RAPGEF4: variants seen among roughly 807,000 people sequenced by gnomAD.
RAPGEF4 encodes the protein Rap guanine nucleotide exchange factor 4.
In RAPGEF4, 66 loss-of-function variants were observed where a neutral mutation model predicts 147.9. The ratio of observed to expected loss-of-function variants is 0.45; its 90% confidence interval spans 0.37 to 0.55. The LOEUF (loss-of-function observed/expected upper bound fraction) is 0.55. RAPGEF4 is among the 20% of genes least tolerant of loss of function. RAPGEF4 has a pLI of 0.00. For missense variants in RAPGEF4, 1,071 were observed against 1,257.3 expected (o/e 0.85, Z 2.24); for synonymous variants, 419 against 442.7 (o/e 0.95, Z 0.67).
intron 4 of RAPGEF4, among the ~76,000 whole-genome samples, chr2:172,824,987 T>G (rs1689506249): frequency 6.6e-6 from 1 of 152,228 alleles, no homozygotes; most frequent in Non-Finnish European, 1.5e-5. Context: ...ATGATCACAT[T>G]TATTTTCAGT....
intron 3 of RAPGEF4, among the ~76,000 whole-genome samples, chr2:172,798,462 G>A (rs1686618490): frequency 6.6e-6 from 1 of 151,798 alleles, no homozygotes; most frequent in African/African-American, 2.4e-5. Flanking sequence ...GCCACCATCA[G>A]GTATCACTAT....
rs542244394 is a variant in RAPGEF4 at position 172,780,313 on chromosome 2, A to G, written c.66-14712A>G. ...GAAGAATACATTTTAGAGAAGGATA[A>G]TACATTTTAGACGAGACAAAGGAAG... On this transcript the variant is annotated intron_variant, in intron 1 of 30. Coordinates refer to ENST00000397081, the MANE Select transcript of RAPGEF4 (RefSeq NM_007023.4). Among the ~76,000 whole-genome samples the G allele has an allele frequency of 5.3e-5, 8 of 152,344 alleles. No individual in the cohort carries two copies. The South Asian group carries it at 1.5e-3, about 28-fold the overall frequency.
At chr2:172,755,164 G>A (rs1383868386) in intron 1 of RAPGEF4, among the ~76,000 whole-genome samples, 5 of 152,124 alleles carry the variant, frequency 3.3e-5, no homozygotes, top group Non-Finnish European at 7.4e-5. Context: ...GGTGATGAAA[G>A]CAGACTTTTG....
intron 4 of RAPGEF4, among the ~76,000 whole-genome samples, chr2:172,887,049 T>C (rs527786015): frequency 6.6e-6 from 1 of 152,126 alleles, no homozygotes; most frequent in East Asian, 1.9e-4. Flanking sequence ...TAGCTGGGTG[T>C]GGTGACACAT....
chr2:172,776,341 G>A (rs1684159137), intron 1 of RAPGEF4, among the ~76,000 whole-genome samples: 1 of 152,160 alleles, frequency 6.6e-6, no homozygotes, highest in South Asian at 2.1e-4. Flanking sequence ...GATTAACAAG[G>A]AGGGGAAATA....
Position 172,795,130 on chromosome 2 carries a change from A to C in RAPGEF4, c.171A>C (p.Leu57Phe). 1 of 1,612,008 alleles carries C rather than the reference A, an allele frequency of 6.2e-7. No individual in the cohort carries two copies. ...FHPNLLHQIC[L>F]CGYYENLEKG... Reference sequence around the variant, plus strand: ...CAAATCTCCTTCATCAGATTTGCTTATGTGGTTATTATGAGAATCTGGAAA... The same window carrying C: ...CAAATCTCCTTCATCAGATTTGCTTCTGTGGTTATTATGAGAATCTGGAAA... The change falls in exon 2 of 31, where the codon TTA becomes TTC. Residue 57 changes from leucine (L) to phenylalanine (F), a missense_variant. Coordinates refer to ENST00000397081, the MANE Select transcript of RAPGEF4 (RefSeq NM_007023.4).
chr2:173,034,091 CT>C, intron 27 of RAPGEF4, 127 bp downstream of exon 27: 2 of 806,598 alleles, frequency 2.5e-6, no homozygotes, highest in Non-Finnish European at 3.8e-6. Context: ...TTTATGATCC[CT>C]TTTAGTGCTG....
chr2:173,014,453 C>T lies in RAPGEF4; in HGVS notation c.1659-11C>T, dbSNP rs774188648. 3.3e-5 allele frequency: 53 copies of T among 1,613,014 alleles called. No homozygotes were observed. Among genetic ancestry groups the T allele is most frequent in the Non-Finnish European group, 4.4e-5 (52 of 1,179,560 alleles). On this transcript the variant is annotated splice_polypyrimidine_tract_variant and intron_variant, in intron 17 of 30. Coordinates refer to ENST00000397081, the MANE Select transcript of RAPGEF4 (RefSeq NM_007023.4). ...TGAAATGGCTCAATTTCTTCCTTGA[C>T]TCCTCGGCACCTACCACGCACAGCC...
At chr2:172,909,002 G>C (rs189540362) in intron 4 of RAPGEF4, among the ~76,000 whole-genome samples, 9 of 152,296 alleles carry the variant, frequency 5.9e-5, no homozygotes, top group Admixed American at 1.3e-4. Context: ...AGGGGTCCTG[G>C]AGGGTTTGGA....
At chr2:173,028,775 C>T (rs1696905170) in intron 25 of RAPGEF4, among the ~76,000 whole-genome samples, 1 of 152,186 alleles carries the variant, frequency 6.6e-6, no homozygotes, top group Non-Finnish European at 1.5e-5. Context: ...GTTGAAACCT[C>T]GTGACAGTAG....
intron 4 of RAPGEF4, among the ~76,000 whole-genome samples, chr2:172,893,306 G>A (rs938547008): frequency 1.3e-5 from 2 of 152,200 alleles, no homozygotes; most frequent in African/African-American, 4.8e-5. Context: ...CCCGTCCTGG[G>A]AGAGAACTGC....
At chr2:172,804,394 C>T (rs1687275055) in intron 3 of RAPGEF4, among the ~76,000 whole-genome samples, 1 of 152,158 alleles carries the variant, frequency 6.6e-6, no homozygotes, top group South Asian at 2.1e-4. Flanking sequence ...ACTTATTTTT[C>T]ATCAGCAATA....
intron 16 of RAPGEF4, among the ~76,000 whole-genome samples, chr2:172,998,919 C>A (rs1051559238): frequency 6.6e-6 from 1 of 152,202 alleles, no homozygotes; most frequent in African/African-American, 2.4e-5. Context: ...GCTATAAGAT[C>A]TTTACCACCC....
At chr2:172,812,489 C>T (rs549496569) in intron 3 of RAPGEF4, among the ~76,000 whole-genome samples, 4 of 152,224 alleles carry the variant, frequency 2.6e-5, no homozygotes, top group Non-Finnish European at 5.9e-5. Flanking sequence ...TGATTATTGG[C>T]GAAAGACAGG....
At chr2:172,789,519 A>G (rs76515845) in intron 1 of RAPGEF4, among the ~76,000 whole-genome samples, 3,738 of 152,310 alleles carry the variant, frequency 0.025, 152 homozygotes, top group African/African-American at 0.085. Context: ...AGTGTAGGAT[A>G]TATTTTTGTT....
intron 1 of RAPGEF4, chr2:172,736,354 G>A (rs1163546123): frequency 4.9e-5 from 12 of 244,884 alleles, no homozygotes; most frequent in African/African-American, 2.5e-4. Flanking sequence ...CTGGGTGGGG[G>A]TTTATTTTCT....
At chr2:173,020,198 T>C (rs914596567) in intron 22 of RAPGEF4, among the ~76,000 whole-genome samples, 2 of 152,202 alleles carry the variant, frequency 1.3e-5, no homozygotes, top group Non-Finnish European at 2.9e-5. Context: ...GAAAAAACAA[T>C]AGTAAATTTT....
intron 4 of RAPGEF4, among the ~76,000 whole-genome samples, chr2:172,835,424 A>G (rs1690814558): frequency 6.6e-6 from 1 of 152,242 alleles, no homozygotes; most frequent in Non-Finnish European, 1.5e-5. Flanking sequence ...TCATTAATAA[A>G]TAGAAGAGAC....
chr2:172,780,936 T>A (rs557202388), intron 1 of RAPGEF4, among the ~76,000 whole-genome samples: 69 of 152,274 alleles, frequency 4.5e-4, no homozygotes, highest in South Asian at 2.5e-3. Context: ...TCTTTACACA[T>A]TAAAAACATT....
Sources: gnomAD v4.1 joint callset for allele counts (sites outside exome capture counted in the v4.1 genomes callset) on GRCh38, gnomAD v4.1.1 for gene constraint, MANE v1.5 for transcripts, NCBI Gene and HGNC (gene_info 2026-07-23, HGNC 2026-07-21) for gene names.